The following CCBE1 variants were observed in gnomAD, a reference collection of about 807,000 sequenced individuals.
The protein encoded by CCBE1 is collagen and calcium binding EGF domains 1, also known as collagen and calcium-binding EGF domain-containing protein 1.
Under a neutral mutation model 50.0 loss-of-function variants are expected in CCBE1, and 37 were observed. The ratio of observed to expected loss-of-function variants is 0.74; its 90% CI spans 0.57 to 0.97. CCBE1 has a LOEUF of 0.97. Ranked by LOEUF, CCBE1 falls within the 50% of genes least tolerant of loss-of-function variation. The pLI is 0.00. For synonymous variants in CCBE1, 234 were observed against 203.7 expected (o/e 1.15, Z -1.27); for missense variants, 538 against 523.8 (o/e 1.03, Z -0.26).
At chr18:59,673,508 C>T (rs897190834) in intron 2 of CCBE1, among the ~76,000 whole-genome samples, 1 of 152,144 alleles carries the variant, frequency 6.6e-6, no homozygotes, top group Non-Finnish European at 1.5e-5. Context: ...ATACACATTG[C>T]TTAACACAGT....
In CCBE1 at chr18:59,554,924, C is replaced by T. The variant is rs568832998; in HGVS notation, c.213-74686G>A. On this transcript the variant is annotated intron_variant, in intron 2 of 10. Transcript: ENST00000439986. ...ATGTAGTCAGACCGCAGGTCTCTGA[C>T]AGAATGCTCCATTTTCTGGAGAGAA... Among the ~76,000 whole-genome samples the T allele has an allele frequency of 3.9e-5, 6 of 152,334 alleles. No homozygotes were observed. In the South Asian group the frequency reaches 1.0e-3, roughly 26 times the overall value.
intron 2 of CCBE1, among the ~76,000 whole-genome samples, chr18:59,686,686 A>G (rs2054658763): frequency 6.6e-6 from 1 of 152,028 alleles, no homozygotes; most frequent in South Asian, 2.1e-4. Context: ...TCCCTTTATC[A>G]TCATCCCTTT....
At chr18:59,681,570 G>T (rs2054588712) in intron 2 of CCBE1, among the ~76,000 whole-genome samples, 1 of 152,142 alleles carries the variant, frequency 6.6e-6, no homozygotes, top group Non-Finnish European at 1.5e-5. Flanking sequence ...CTATCCTATG[G>T]CACAGCACAT....
chr18:59,550,548 A>G (rs1034719442), intron 2 of CCBE1, among the ~76,000 whole-genome samples: 11 of 152,120 alleles, frequency 7.2e-5, no homozygotes, highest in African/African-American at 2.4e-4. Context: ...ACTGGACTCA[A>G]AAGTACTCAT....
chr18:59,655,590 A>C (rs1311873903), intron 2 of CCBE1, among the ~76,000 whole-genome samples: 1 of 152,258 alleles, frequency 6.6e-6, no homozygotes, highest in Non-Finnish European at 1.5e-5. Context: ...GCAGGAATGC[A>C]GCCATAGACA....
chr18:59,640,316 G>T (rs1211054006), intron 2 of CCBE1, among the ~76,000 whole-genome samples: 2 of 152,106 alleles, frequency 1.3e-5, no homozygotes, highest in African/African-American at 4.8e-5. Context: ...AGAGAGCCCT[G>T]AAATTATGCC....
At chr18:59,634,570 C>G (rs935980762) in intron 2 of CCBE1, among the ~76,000 whole-genome samples, 4 of 152,098 alleles carry the variant, frequency 2.6e-5, no homozygotes, top group African/African-American at 7.2e-5. Flanking sequence ...GAAAGCAAAA[C>G]TATGAGCTAG....
intron 2 of CCBE1, among the ~76,000 whole-genome samples, chr18:59,630,215 C>T (rs2053833830): frequency 1.3e-5 from 2 of 151,482 alleles, no homozygotes; most frequent in African/African-American, 2.4e-5. Context: ...GGGGGCAGCT[C>T]GCCAACAAAC....
At chr18:59,659,099 C>T (rs1245048421) in intron 2 of CCBE1, among the ~76,000 whole-genome samples, 4 of 152,098 alleles carry the variant, frequency 2.6e-5, no homozygotes, top group African/African-American at 9.7e-5. Flanking sequence ...CTTTGCACGA[C>T]TTCCACACAC....
chr18:59,508,946 A>T (rs1031458959), intron 2 of CCBE1, among the ~76,000 whole-genome samples: 1 of 152,144 alleles, frequency 6.6e-6, no homozygotes, highest in Non-Finnish European at 1.5e-5. Context: ...AAGTGAGTGC[A>T]GTTTTTAATA....
chr18:59,525,450 C>G (rs1376860581), intron 2 of CCBE1, among the ~76,000 whole-genome samples: 1 of 152,058 alleles, frequency 6.6e-6, no homozygotes, highest in Non-Finnish European at 1.5e-5. Context: ...GATATTAGAT[C>G]TTTGTCAGAT....
intron 3 of CCBE1, among the ~76,000 whole-genome samples, chr18:59,475,403 T>A (rs1434502445): frequency 1.2e-4 from 19 of 152,202 alleles, no homozygotes; most frequent in Admixed American, 1.2e-3. Context: ...TGGCATTATA[T>A]CCCTTGAGAC....
At chr18:59,607,081 A>G (rs540547620) in intron 2 of CCBE1, among the ~76,000 whole-genome samples, 1 of 151,838 alleles carries the variant, frequency 6.6e-6, no homozygotes, top group East Asian at 1.9e-4. Context: ...AAAAAAGCAC[A>G]CAAGTACTCA....
chr18:59,608,040 A>C (rs1211908359), intron 2 of CCBE1, among the ~76,000 whole-genome samples: 1 of 152,058 alleles, frequency 6.6e-6, no homozygotes, highest in Non-Finnish European at 1.5e-5. Flanking sequence ...GCGCCACTGC[A>C]CTCCCAGTTT....
chr18:59,493,980 T>C (rs778700533), intron 2 of CCBE1, among the ~76,000 whole-genome samples: 52 of 152,288 alleles, frequency 3.4e-4, no homozygotes, highest in Admixed American at 3.0e-3. Context: ...ATGTGACTTG[T>C]TCCTCCTTGC....
chr18:59,502,463 A>ACGCTAT (rs1555684568), intron 2 of CCBE1, among the ~76,000 whole-genome samples: 2,144 of 151,338 alleles, frequency 0.014, 49 homozygotes, highest in African/African-American at 0.048. Flanking sequence ...AGGGAGGAAC[A>ACGCTAT]GGTATCCATT....
At chr18:59,618,517 C>T (rs561721263) in intron 2 of CCBE1, among the ~76,000 whole-genome samples, 1 of 152,002 alleles carries the variant, frequency 6.6e-6, no homozygotes, top group Admixed American at 6.6e-5. Flanking sequence ...TTACTGCAAC[C>T]TCCATCTCTC....
intron 4 of CCBE1, among the ~76,000 whole-genome samples, chr18:59,467,619 A>C (rs1911814374): frequency 6.6e-6 from 1 of 152,194 alleles, no homozygotes; most frequent in Non-Finnish European, 1.5e-5. Context: ...CCCCTGCCGC[A>C]TGGTGGAAAC....
At chr18:59,486,580 G>T (rs1052901330) in intron 2 of CCBE1, among the ~76,000 whole-genome samples, 2 of 152,226 alleles carry the variant, frequency 1.3e-5, no homozygotes, top group Admixed American at 6.5e-5. Flanking sequence ...AGAGGATTGT[G>T]CAGGGTGGAA....
Sources: allele counts gnomAD v4.1 joint callset (sites outside exome capture counted in the v4.1 genomes callset), GRCh38; gene constraint gnomAD v4.1.1; transcripts MANE v1.5; gene names NCBI Gene and HGNC (gene_info 2026-07-23, HGNC 2026-07-21).